The following CNNM3 variants were observed in gnomAD, a reference collection of about 807,000 sequenced individuals.
CNNM3 encodes the protein cyclin and CBS domain divalent metal cation transport mediator 3.
Under a neutral mutation model 57.1 loss-of-function variants are expected in CNNM3, and 47 were observed. The observed-to-expected ratio is 0.82, with a 90% confidence interval of 0.65 to 1.05. The LOEUF is 1.05. Among genes scored for constraint, CNNM3 ranks in the 50% least tolerant of loss-of-function variants. The pLI is 0.00. For synonymous variants in CNNM3, 507 were observed against 478.2 expected, an observed-to-expected ratio of 1.06 and a Z score of -0.79; for missense variants, 957 against 973.7, an observed-to-expected ratio of 0.98 and a Z score of 0.23.
At chr2:96,820,969 G>A (rs1271533013) in intron 1 of CNNM3, among the ~76,000 whole-genome samples, 3 of 152,196 alleles carry the variant, frequency 2.0e-5, no homozygotes, top group South Asian at 4.1e-4. Flanking sequence ...CAAGCAGCCC[G>A]ATGCAGGAGG....
chr2:96,831,678 A>G (rs999507629), intron 7 of CNNM3, among the ~76,000 whole-genome samples: 60 of 152,228 alleles, frequency 3.9e-4, no homozygotes, highest in Non-Finnish European at 2.8e-4. Flanking sequence ...CCCCTGGCCT[A>G]CTATTTCAAA....
intron 2 of CNNM3, among the ~76,000 whole-genome samples, chr2:96,826,213 TA>T (rs1163521154): frequency 6.6e-6 from 1 of 152,098 alleles, no homozygotes; most frequent in African/African-American, 2.4e-5. Context: ...TATTATTTTT[TA>T]ATTTTTTTTT....
rs920764923 is a variant in CNNM3 at position 96,834,400 on chromosome 2, A to G, written c.*1784A>G. Among the ~76,000 whole-genome samples, 3 of 151,564 alleles carry G rather than the reference A, an allele frequency of 2.0e-5. No individual in the cohort carries two copies. The highest frequency in any genetic ancestry group is 1.9e-4 in the East Asian group (1 of 5,182). On this transcript the variant is annotated 3_prime_UTR_variant, in exon 8 of 8. Coordinates refer to ENST00000305510, the MANE Select transcript of CNNM3 (RefSeq NM_017623.5). ...TGCTCTGTCGCCCAGACTGGAGTGC[A>G]GTGGTGTGATCACGGCTTGCTGCAG...
intron 7 of CNNM3, chr2:96,832,098 A>G: frequency 1.0e-6 from 1 of 994,460 alleles, no homozygotes; most frequent in Non-Finnish European, 1.2e-6. Context: ...CTGCCCCTTC[A>G]CTTCCCTTTC....
At position 96,816,348 on chromosome 2, in the gene CNNM3, C is replaced by CG; in HGVS notation, c.76dup (p.Glu26GlyfsTer104). ...GCCGCGCTCTGCCTGGGCAACGCCG[C>CG]GGGGGAGGCCGCGCCGGGCCCGCGA... On this transcript the variant is annotated frameshift_variant, in exon 1 of 8. Coordinates refer to ENST00000305510, the MANE Select transcript of CNNM3 (RefSeq NM_017623.5). LOFTEE classifies it high-confidence loss of function. 1 of 1,291,700 alleles carries CG rather than the reference C, an allele frequency of 7.7e-7. No homozygotes were observed. Among genetic ancestry groups the CG allele is most frequent in the Non-Finnish European group, 9.8e-7 (1 of 1,019,372 alleles). 80.0% of individuals were successfully genotyped at this position (1,291,700 alleles called of 1,614,324 possible). A position where few individuals can be genotyped will look rare whatever the true frequency, so the allele number is the denominator to read the frequency against.
chr2:96,825,620 T>A (rs1374221760), intron 2 of CNNM3, among the ~76,000 whole-genome samples: 1 of 152,160 alleles, frequency 6.6e-6, no homozygotes, highest in Non-Finnish European at 1.5e-5. Flanking sequence ...AAAGTCTTCC[T>A]GGCTGGGCGC....
At chr2:96,835,469 CT>C (rs535208227), downstream of CNNM3, among the ~76,000 whole-genome samples, 242 of 137,504 alleles carry the variant, frequency 1.8e-3, 1 homozygote, top group Middle Eastern at 7.7e-3. Flanking sequence ...AACAATCAAA[CT>C]TTTTTTTTTT....
chr2:96,824,862 G>T (rs2079471123), intron 1 of CNNM3, 196 bp from the exon 2 acceptor site: 2 of 623,242 alleles, frequency 3.2e-6, no homozygotes, highest in Non-Finnish European at 5.6e-6. Context: ...TTTTCAACCT[G>T]TGTGAAAATA....
chr2:96,835,624 C>T (rs185987849), downstream of CNNM3, among the ~76,000 whole-genome samples: 35 of 152,230 alleles, frequency 2.3e-4, no homozygotes, highest in East Asian at 5.8e-3. Flanking sequence ...CCCGCCACCA[C>T]GCCCGGCTAG....
chr2:96,820,557 G>C (rs564655166), intron 1 of CNNM3, among the ~76,000 whole-genome samples: 2 of 152,304 alleles, frequency 1.3e-5, no homozygotes, highest in South Asian at 4.1e-4. Flanking sequence ...CAAGACCAAG[G>C]AAGGAGGAGT....
rs1207412107 is a variant in CNNM3, at chr2:96,833,017, T to A, written c.*401T>A. The A allele has an allele frequency of 1.5e-6, 2 of 1,311,282 alleles. No homozygotes were observed. The highest frequency in any genetic ancestry group is 2.3e-5 in the Admixed American group (1 of 44,116). 81.2% of individuals were successfully genotyped at this position (1,311,282 alleles called of 1,614,324 possible). On this transcript the variant is annotated 3_prime_UTR_variant, in exon 8 of 8. Coordinates refer to ENST00000305510, the MANE Select transcript of CNNM3 (RefSeq NM_017623.5). ...GCCTTTGTGTGGCCGTGACCTCTAT[T>A]TGTTTGCTTTTAATTTGCCAACCTA...
chr2:96,819,654 AGCACTCAC>A (rs1367156568), intron 1 of CNNM3, among the ~76,000 whole-genome samples: 1 of 152,102 alleles, frequency 6.6e-6, no homozygotes, highest in Non-Finnish European at 1.5e-5. Context: ...TGGTGTTCAA[AGCACTCAC>A]GTTTCTAGAT....
intron 1 of CNNM3, among the ~76,000 whole-genome samples, chr2:96,819,664 T>G (rs2079378219): frequency 6.6e-6 from 1 of 152,102 alleles, no homozygotes; most frequent in Non-Finnish European, 1.5e-5. Context: ...AGCACTCACG[T>G]TTCTAGATTC....
chr2:96,818,768 C>T (rs1213686349), intron 1 of CNNM3, among the ~76,000 whole-genome samples: 1 of 152,230 alleles, frequency 6.6e-6, no homozygotes, highest in African/African-American at 2.4e-5. Flanking sequence ...AGCCATGCTT[C>T]TCACACCTGC....
At chr2:96,818,171 C>T (rs930492107) in intron 1 of CNNM3, among the ~76,000 whole-genome samples, 8 of 152,044 alleles carry the variant, frequency 5.3e-5, no homozygotes, top group Non-Finnish European at 8.8e-5. Context: ...CTGCAACTTT[C>T]GCCTCCCAGG....
Position 96,817,014 on chromosome 2 carries a change from G to C in CNNM3, c.737G>C (p.Arg246Pro). ...GEVVPAAVSG[R>P]WTLALAPRAL... ...GTGGTGCCGGCCGCCGTGAGCGGGC[G>C]CTGGACGCTGGCGCTGGCGCCGCGA... Residue 246 changes from arginine to proline, a missense_variant, in exon 1 of 8, where the codon CGC (arginine) becomes CCC (proline). Arg to Pro is a moderately radical substitution (Grantham distance 103). Around this residue, in one of 2 missense-constraint regions of CNNM3, gnomAD observed 466 missense variants for 403.1 expected, o/e 1.16. Transcript: ENST00000305510. 7.3e-7 allele frequency: 1 copy of C among 1,368,200 alleles called. No individual in the cohort carries two copies. Among genetic ancestry groups the C allele is most frequent in the Non-Finnish European group, 9.5e-7 (1 of 1,055,396 alleles). 84.8% of individuals were successfully genotyped at this position (1,368,200 alleles called of 1,614,324 possible).
At chr2:96,817,739 G>A (rs906259187) in intron 1 of CNNM3, among the ~76,000 whole-genome samples, 8 of 146,416 alleles carry the variant, frequency 5.5e-5, no homozygotes, top group Non-Finnish European at 1.2e-4. Context: ...TTTAACCCCC[G>A]CGTCAGGATA....
Position 96,831,648 on chromosome 2 carries a change from T to C in CNNM3, c.2060-904T>C, listed in dbSNP as rs2079603611. Among the ~76,000 whole-genome samples, 3 of 152,158 alleles carry C rather than the reference T, an allele frequency of 2.0e-5. No individual in the cohort carries two copies. In the South Asian group the frequency reaches 6.2e-4, roughly 32 times the overall value. The stretch of plus-strand genomic sequence containing the variant: ...TACAAAAACTAAAAATATTGGTCCT[T>C]TACAGAAAAAGTTGTCTGACCCCTG... On this transcript the variant is annotated intron_variant, in intron 7 of 7. Transcript: ENST00000305510.
At position 96,816,464 on chromosome 2, in the gene CNNM3, C is replaced by T; in HGVS notation, c.187C>T (p.Leu63Phe). Reference protein sequence around the residue: ...AARDTPDATFLLRLFGPGFAN... With the variant: ...AARDTPDATFFLRLFGPGFAN... ...GCGGGACACGCCGGACGCCACCTTC[C>T]TCCTGCGCCTCTTCGGCCCGGGCTT... The change falls in exon 1 of 8, where the codon CTC (leucine) becomes TTC (phenylalanine). Residue 63 changes from leucine to phenylalanine, a missense_variant. This residue lies in a region of CNNM3 where 466 missense variants were observed against 403.1 expected (regional missense o/e 1.16). Coordinates refer to ENST00000305510, the MANE Select transcript of CNNM3 (RefSeq NM_017623.5). 1.4e-6 allele frequency: 2 copies of T among 1,454,460 alleles called. No homozygotes were observed. The highest frequency in any genetic ancestry group is 9.1e-7 in the Non-Finnish European group (1 of 1,103,918). 90.1% of individuals were successfully genotyped at this position (1,454,460 alleles called of 1,614,324 possible).
Sources: allele counts gnomAD v4.1 joint callset (sites outside exome capture counted in the v4.1 genomes callset), GRCh38; gene constraint gnomAD v4.1.1; regional missense constraint gnomAD v4.1.1; transcripts MANE v1.5; gene names NCBI Gene and HGNC (gene_info 2026-07-23, HGNC 2026-07-21).